The following EXOC4 variants were observed in gnomAD, a reference collection of about 807,000 sequenced individuals.
EXOC4 encodes the protein exocyst complex component 4, also known as SEC8-like 1.
In EXOC4, 71 loss-of-function variants were observed where a neutral mutation model predicts 107.2. That is an observed-to-expected ratio of 0.66 (90% CI 0.55 to 0.81). The LOEUF (loss-of-function observed/expected upper bound fraction) is 0.81, where lower values mean the gene tolerates loss of function less well. Ranked by LOEUF, EXOC4 falls within the 30% of genes least tolerant of loss-of-function variation. The pLI, the probability that EXOC4 is intolerant of heterozygous loss-of-function variation, is 0.00. For synonymous variants in EXOC4, 456 were observed against 441.2 expected, an observed-to-expected ratio of 1.03 and a Z score of -0.42; for missense variants, 1,108 against 1,189.6, an observed-to-expected ratio of 0.93 and a Z score of 1.01.
At chr7:133,436,400 A>G (rs543713908) in intron 7 of EXOC4, among the ~76,000 whole-genome samples, 14 of 152,258 alleles carry the variant, frequency 9.2e-5, no homozygotes, top group African/African-American at 3.1e-4. Context: ...TTTGGCATCA[A>G]AACTAATAAA....
At chr7:133,464,718 A>G (rs1321530649) in intron 7 of EXOC4, among the ~76,000 whole-genome samples, 1 of 152,026 alleles carries the variant, frequency 6.6e-6, no homozygotes, top group East Asian at 1.9e-4. Flanking sequence ...ACTAGTCTTA[A>G]AACAGAGTAA....
At chr7:134,063,694 A>G (rs111934255) in intron 17 of EXOC4, among the ~76,000 whole-genome samples, 505 of 152,260 alleles carry the variant, frequency 3.3e-3, no homozygotes, top group East Asian at 0.028. Flanking sequence ...CCATCCTTAT[A>G]TACTACTATT....
chr7:133,410,668 ATG>A (rs1484050464), intron 7 of EXOC4, among the ~76,000 whole-genome samples: 1 of 152,182 alleles, frequency 6.6e-6, no homozygotes, highest in Non-Finnish European at 1.5e-5. Flanking sequence ...CTTCTAATAA[ATG>A]TTCATTGAGA....
intron 7 of EXOC4, among the ~76,000 whole-genome samples, chr7:133,460,308 C>T (rs1798560725): frequency 6.6e-6 from 1 of 152,180 alleles, no homozygotes; most frequent in Non-Finnish European, 1.5e-5. Flanking sequence ...CGCTCACCTG[C>T]TGTGTGGCCT....
At chr7:133,254,410 G>A (rs1380740591) in intron 1 of EXOC4, among the ~76,000 whole-genome samples, 5 of 152,180 alleles carry the variant, frequency 3.3e-5, no homozygotes, top group Admixed American at 3.3e-4. Context: ...GTGACAATAC[G>A]CAGGTAGTGT....
intron 5 of EXOC4, among the ~76,000 whole-genome samples, chr7:133,353,290 T>C (rs1488461589): frequency 1.3e-5 from 2 of 152,156 alleles, no homozygotes; most frequent in African/African-American, 4.8e-5. Context: ...GTGCAGGACT[T>C]TATAAAGCAT....
chr7:133,839,338 G>A (rs1014460374), intron 11 of EXOC4, among the ~76,000 whole-genome samples: 1 of 150,714 alleles, frequency 6.6e-6, no homozygotes, highest in African/African-American at 2.5e-5. Context: ...TAATGAGATA[G>A]TTTGTTGTGC....
chr7:133,449,747 G>A (rs943772746), intron 7 of EXOC4, among the ~76,000 whole-genome samples: 8 of 114,466 alleles, frequency 7.0e-5, no homozygotes, highest in African/African-American at 2.3e-4. Context: ...GTGTGTGTGT[G>A]TACATCTCTT....
chr7:133,619,645 C>T (rs1802278412), intron 9 of EXOC4, among the ~76,000 whole-genome samples: 1 of 152,212 alleles, frequency 6.6e-6, no homozygotes, highest in Non-Finnish European at 1.5e-5. Context: ...CTTCATATCA[C>T]TCTTGCTGTT....
intron 10 of EXOC4, among the ~76,000 whole-genome samples, chr7:133,673,836 A>G (rs572408051): frequency 1.3e-5 from 2 of 152,278 alleles, no homozygotes; most frequent in African/African-American, 2.4e-5. Flanking sequence ...CTTGTTCCTT[A>G]TATCTGTGTT....
chr7:133,578,392 C>T (rs1387527362), intron 9 of EXOC4, among the ~76,000 whole-genome samples: 1 of 152,162 alleles, frequency 6.6e-6, no homozygotes, highest in East Asian at 1.9e-4. Context: ...TCTCCAGTCA[C>T]ATATGTGATT....
intron 9 of EXOC4, among the ~76,000 whole-genome samples, chr7:133,542,254 G>A (rs1175708237): frequency 1.3e-5 from 2 of 150,636 alleles, no homozygotes; most frequent in Admixed American, 6.6e-5. Context: ...TTATGTTTAG[G>A]TTCAACAAAG....
At chr7:133,896,623 A>G (rs976790052) in intron 12 of EXOC4, among the ~76,000 whole-genome samples, 1 of 151,466 alleles carries the variant, frequency 6.6e-6, no homozygotes, top group Non-Finnish European at 1.5e-5. Flanking sequence ...AGGAAGCAAT[A>G]AGACAGTTGC....
chr7:134,059,562 A>T (rs1456793435), intron 17 of EXOC4, among the ~76,000 whole-genome samples: 1 of 152,204 alleles, frequency 6.6e-6, no homozygotes, highest in Non-Finnish European at 1.5e-5. Flanking sequence ...GGATAAATTG[A>T]TAGAGCTTTT....
At chr7:133,375,151 C>T (rs1052815330) in intron 7 of EXOC4, 149 bp downstream of exon 7, 2 of 662,844 alleles carry the variant, frequency 3.0e-6, no homozygotes, top group East Asian at 2.8e-5. Flanking sequence ...TGTGATGTTG[C>T]TGATGGCATT....
chr7:133,779,074 T>G (rs914930231), intron 10 of EXOC4, among the ~76,000 whole-genome samples: 2 of 152,256 alleles, frequency 1.3e-5, no homozygotes, highest in African/African-American at 4.8e-5. Context: ...ACAAAATCTA[T>G]TGATTCACCT....
chr7:133,432,495 A>G (rs543991854), intron 7 of EXOC4, among the ~76,000 whole-genome samples: 1 of 152,330 alleles, frequency 6.6e-6, no homozygotes, highest in African/African-American at 2.4e-5. Context: ...ATATATAAAT[A>G]TAAGTATCAT....
chr7:133,372,276 A>C (rs534672144), intron 6 of EXOC4, among the ~76,000 whole-genome samples: 1 of 152,298 alleles, frequency 6.6e-6, no homozygotes, highest in East Asian at 1.9e-4. Flanking sequence ...GGTAAGGCGG[A>C]AGAGAGCTTT....
chr7:134,048,403 T>C (rs752547818), intron 17 of EXOC4, among the ~76,000 whole-genome samples: 1 of 152,202 alleles, frequency 6.6e-6, no homozygotes, highest in Admixed American at 6.5e-5. Flanking sequence ...TAAGTTTCTC[T>C]CAAAGTTAGT....
Sources: allele counts gnomAD v4.1 joint callset (sites outside exome capture counted in the v4.1 genomes callset), GRCh38; gene constraint gnomAD v4.1.1; transcripts MANE v1.5; gene names NCBI Gene and HGNC (gene_info 2026-07-23, HGNC 2026-07-21).